SNX13: variants seen among roughly 807,000 people sequenced by gnomAD.
SNX13 encodes sorting nexin 13, also known as sorting nexin-13.
Under a neutral mutation model 133.6 loss-of-function variants are expected in SNX13, and 45 were observed. The ratio of observed to expected loss-of-function variants is 0.34; its 90% confidence interval spans 0.27 to 0.43. The LOEUF is 0.43. SNX13 is among the 20% of genes least tolerant of loss of function. SNX13 has a pLI of 1.00. For missense variants in SNX13, 1,032 were observed against 1,145.1 expected, an observed-to-expected ratio of 0.90 and a Z score of 1.43; for synonymous variants, 414 against 373.9, an observed-to-expected ratio of 1.11 and a Z score of -1.24.
In SNX13 at chr7:17,792,266, G is replaced by C. The variant is rs1249590766; in HGVS notation, c.*1779C>G. On this transcript the variant is annotated 3_prime_UTR_variant, in exon 26 of 26. Coordinates refer to ENST00000428135, the MANE Select transcript of SNX13 (RefSeq NM_015132.5). ...ACTTTTAAAGCCTGGGGCTCAGGGAGGGGCCAAGGCAGGGAGACACCCTGA... is the reference window on the plus strand; with the variant it reads ...ACTTTTAAAGCCTGGGGCTCAGGGACGGGCCAAGGCAGGGAGACACCCTGA... The C allele has an allele frequency of 1.3e-5, 2 of 152,050 alleles. No individual in the cohort carries two copies. Among genetic ancestry groups the C allele is most frequent in the East Asian group, 3.9e-4 (2 of 5,172 alleles). The allele number at this position is 152,050 out of a possible 1,614,324, so 9.4% of individuals were successfully genotyped here. A position where few individuals can be genotyped will look rare whatever the true frequency, so the allele number is the denominator to read the frequency against.
chr7:17,913,207 C>T (rs1799188511), intron 1 of SNX13, among the ~76,000 whole-genome samples: 1 of 152,190 alleles, frequency 6.6e-6, no homozygotes, highest in Non-Finnish European at 1.5e-5. Flanking sequence ...AAGTGTGGTG[C>T]CAGCCACAAA....
intron 20 of SNX13, among the ~76,000 whole-genome samples, chr7:17,805,248 T>TGCGCGCGCGCGCGCGCGCGC (rs1401213640): frequency 1.1e-5 from 1 of 89,322 alleles, no homozygotes; most frequent in Non-Finnish European, 2.6e-5. Context: ...TGTGTGTGTG[T>TGCGCGCGCGCGCGCGCGCGC]GTGCGTGCGC....
At chr7:17,799,187 A>G (rs1784369615) in intron 22 of SNX13, 33 bp from the exon 23 acceptor site, 1 of 1,549,966 alleles carries the variant, frequency 6.5e-7, no homozygotes, top group South Asian at 1.2e-5. Context: ...AATAAGTTTG[A>G]GTTAGCTATC....
intron 9 of SNX13, among the ~76,000 whole-genome samples, chr7:17,853,259 A>G (rs952312344): frequency 1.3e-5 from 2 of 152,228 alleles, no homozygotes; most frequent in Non-Finnish European, 2.9e-5. Flanking sequence ...TCAATAAGCA[A>G]ATAAAGTTAA....
intron 1 of SNX13, among the ~76,000 whole-genome samples, chr7:17,910,063 A>G (rs543678427): frequency 2.6e-5 from 4 of 152,278 alleles, no homozygotes; most frequent in Admixed American, 2.6e-4. Context: ...GTAGAAGACA[A>G]AGAGATCTGA....
At chr7:17,846,663 A>C (rs1790565789) in intron 11 of SNX13, among the ~76,000 whole-genome samples, 3 of 151,740 alleles carry the variant, frequency 2.0e-5, no homozygotes, top group Admixed American at 2.0e-4. Context: ...AAATGTAGAG[A>C]ATTAAAAAAA....
intron 11 of SNX13, among the ~76,000 whole-genome samples, chr7:17,847,035 A>G (rs1790627393): frequency 6.6e-6 from 1 of 152,206 alleles, no homozygotes; most frequent in Non-Finnish European, 1.5e-5. Flanking sequence ...TGCAAACAAA[A>G]TATCTAAATT....
At chr7:17,797,632 G>A (rs1784199425) in intron 24 of SNX13, among the ~76,000 whole-genome samples, 1 of 151,700 alleles carries the variant, frequency 6.6e-6, no homozygotes, top group Non-Finnish European at 1.5e-5. Flanking sequence ...TCATGTTCAG[G>A]CCTTTCATTG....
chr7:17,790,792 T>G lies in SNX13; in HGVS notation c.*3253A>C, dbSNP rs957392928. On this transcript the variant is annotated 3_prime_UTR_variant, in exon 26 of 26. Transcript: ENST00000428135. ...TTAATACTTTATTAGTATTTTCTAATGGACAGAACACAAACCAAATAAATT... is the reference window on the plus strand; with the variant it reads ...TTAATACTTTATTAGTATTTTCTAAGGGACAGAACACAAACCAAATAAATT... 16 of 152,126 alleles carry G rather than the reference T, an allele frequency of 1.1e-4. No individual in the cohort carries two copies. The highest frequency in any genetic ancestry group is 6.5e-5 in the Admixed American group (1 of 15,272). 9.4% of individuals were successfully genotyped at this position (152,126 alleles called of 1,614,324 possible). A position where few individuals can be genotyped will look rare whatever the true frequency, so the allele number is the denominator to read the frequency against.
At chr7:17,843,205 G>T (rs1317490592) in intron 12 of SNX13, among the ~76,000 whole-genome samples, 1 of 151,722 alleles carries the variant, frequency 6.6e-6, no homozygotes, top group African/African-American at 2.4e-5. Context: ...TAGATACAAA[G>T]ACATAAATAA....
chr7:17,920,744 T>A (rs1373346316), intron 1 of SNX13, among the ~76,000 whole-genome samples: 4 of 152,176 alleles, frequency 2.6e-5, no homozygotes, highest in Non-Finnish European at 5.9e-5. Flanking sequence ...GCATAAAAAT[T>A]CTAATGCATA....
intron 5 of SNX13, chr7:17,890,093 G>A (rs1042935343): frequency 7.9e-6 from 2 of 253,860 alleles, no homozygotes; most frequent in African/African-American, 2.2e-5. Flanking sequence ...GATTTGAAAA[G>A]TCACCTGATT....
chr7:17,817,461 GA>G (rs1786789265), intron 18 of SNX13, among the ~76,000 whole-genome samples: 1 of 152,162 alleles, frequency 6.6e-6, no homozygotes, highest in African/African-American at 2.4e-5. Flanking sequence ...AGAGATTAAA[GA>G]GAAGAGAAAT....
chr7:17,868,618 GC>G, intron 8 of SNX13, 128 bp from the exon 9 acceptor site: 1 of 641,662 alleles, frequency 1.6e-6, no homozygotes, highest in Non-Finnish European at 2.6e-6. Flanking sequence ...GACTTGATAA[GC>G]AACACAGTCT....
At chr7:17,871,449 C>T (rs1258854086) in intron 8 of SNX13, among the ~76,000 whole-genome samples, 1 of 152,142 alleles carries the variant, frequency 6.6e-6, no homozygotes, top group Non-Finnish European at 1.5e-5. Flanking sequence ...TCTGAATCCT[C>T]CACCCATTTA....
At chr7:17,912,415 C>T (rs951883298) in intron 1 of SNX13, among the ~76,000 whole-genome samples, 7 of 147,734 alleles carry the variant, frequency 4.7e-5, no homozygotes, top group Admixed American at 1.3e-4. Flanking sequence ...GAGGAAAATG[C>T]TTTTTTTTTT....
chr7:17,866,820 T>A (rs1056252220), intron 9 of SNX13, among the ~76,000 whole-genome samples: 3 of 152,180 alleles, frequency 2.0e-5, no homozygotes, highest in Non-Finnish European at 2.9e-5. Context: ...CAGTTAACAA[T>A]AATTTATTGT....
intron 20 of SNX13, among the ~76,000 whole-genome samples, chr7:17,813,091 T>G (rs957233857): frequency 3.3e-5 from 5 of 152,080 alleles, no homozygotes; most frequent in African/African-American, 1.2e-4. Context: ...ATTCTGCACA[T>G]GTATCCAAGT....
intron 9 of SNX13, among the ~76,000 whole-genome samples, chr7:17,867,863 A>G (rs567030417): frequency 1.4e-4 from 22 of 152,212 alleles, no homozygotes; most frequent in Admixed American, 1.4e-3. Flanking sequence ...AAAAGGATAC[A>G]TTATAAAGAA....
Sources: allele counts gnomAD v4.1 joint callset (sites outside exome capture counted in the v4.1 genomes callset), GRCh38; gene constraint gnomAD v4.1.1; transcripts MANE v1.5; gene names NCBI Gene and HGNC (gene_info 2026-07-23, HGNC 2026-07-21).